Variants in BATF observed in about 807,000 individuals in gnomAD.
BATF encodes basic leucine zipper ATF-like transcription factor, also known as basic leucine zipper transcriptional factor ATF-like.
Under a neutral mutation model 13.7 loss-of-function variants are expected in BATF, and 5 were observed. That is an observed-to-expected ratio of 0.36 (90% confidence interval 0.19 to 0.77). BATF has a LOEUF of 0.77. Among genes scored for constraint, BATF ranks in the 30% least tolerant of loss-of-function variants. BATF has a pLI of 0.51. For synonymous variants in BATF, 72 were observed against 67.5 expected, an observed-to-expected ratio of 1.07 and a Z score of -0.33; for missense variants, 124 against 163.0, an observed-to-expected ratio of 0.76 and a Z score of 1.30.
intron 2 of BATF, among the ~76,000 whole-genome samples, chr14:75,528,474 C>A (rs192071916): frequency 6.6e-6 from 1 of 152,294 alleles, no homozygotes; most frequent in East Asian, 1.9e-4. Context: ...AGGGAGAGAG[C>A]CTCTTTTTAT....
At chr14:75,544,966 C>T (rs2140043837) in intron 2 of BATF, among the ~76,000 whole-genome samples, 1 of 152,192 alleles carries the variant, frequency 6.6e-6, no homozygotes, top group South Asian at 2.1e-4. Flanking sequence ...TCCATAATTG[C>T]TAATTACCAG....
intron 2 of BATF, among the ~76,000 whole-genome samples, chr14:75,539,763 ATTC>A (rs1228548599): frequency 1.3e-5 from 2 of 152,210 alleles, no homozygotes; most frequent in South Asian, 2.1e-4. Context: ...TGGTTTGGTG[ATTC>A]TTCTTCTCCT....
In BATF at chr14:75,522,724, C is replaced by G. The variant is rs751852497; in HGVS notation, c.42C>G (p.Arg14=). Residue 14 remains arginine (R), a synonymous_variant, in exon 1 of 3, where the codon CGC becomes CGG. Transcript: ENST00000286639. ...SSDSSDSSFS[R]SPPPGKQDSS... is the part of the protein sequence containing the mutation. ...ACAGCAGTGACTCCAGCTTCAGCCG[C>G]TCTCCTCCCCCTGGCAAACAGGTAG... 1.2e-6 allele frequency: 2 copies of G among 1,614,082 alleles called. No individual in the cohort carries two copies. The highest frequency in any genetic ancestry group is 2.2e-5 in the South Asian group (2 of 91,092).
At chr14:75,528,965 T>C (rs1887692827) in intron 2 of BATF, among the ~76,000 whole-genome samples, 1 of 152,226 alleles carries the variant, frequency 6.6e-6, no homozygotes, top group Non-Finnish European at 1.5e-5. Flanking sequence ...TCCTAAATGA[T>C]TTTTAAAAGA....
rs35791450 is a variant in BATF at position 75,545,388 on chromosome 14, ATTTTTT to A, written c.169-1058_169-1053del. 2.3e-3 allele frequency among the ~76,000 whole-genome samples: 237 copies of A among 105,196 alleles called. 1 individual carries two copies. Among genetic ancestry groups the A allele is most frequent in the Non-Finnish European group, 3.0e-3 (163 of 55,116 alleles). 69.0% of individuals were successfully genotyped at this position (105,196 alleles called of 152,430 possible). On this transcript the variant is annotated intron_variant, in intron 2 of 2. Transcript: ENST00000286639. Reference sequence around the variant, plus strand: ...AGGTGTGCACCACCACGCCTGGTTAATTTTTTTTTTTTTTTTTTTTTGTATTTTTAG... The same window carrying A: ...AGGTGTGCACCACCACGCCTGGTTAATTTTTTTTTTTTTTTGTATTTTTAG...
At chr14:75,532,100 A>T (rs967055404) in intron 2 of BATF, among the ~76,000 whole-genome samples, 4 of 152,328 alleles carry the variant, frequency 2.6e-5, no homozygotes, top group Middle Eastern at 3.4e-3. Context: ...TCTGCATAAA[A>T]GCTGTATTTT....
At chr14:75,535,175 A>C (rs1283083207) in intron 2 of BATF, among the ~76,000 whole-genome samples, 2 of 152,194 alleles carry the variant, frequency 1.3e-5, no homozygotes, top group Non-Finnish European at 2.9e-5. Context: ...ATCCCAATAC[A>C]TACGGAGGCC....
chr14:75,544,562 CAAAAAAAAA>C (rs67545560), intron 2 of BATF, among the ~76,000 whole-genome samples: 4 of 33,020 alleles, frequency 1.2e-4, no homozygotes, highest in African/African-American at 3.1e-4. Flanking sequence ...GAGACTGTCT[CAAAAAAAAA>C]AAAAAAAAAA....
intron 2 of BATF, among the ~76,000 whole-genome samples, chr14:75,530,449 T>G (rs1307982465): frequency 6.6e-6 from 1 of 152,180 alleles, no homozygotes. Flanking sequence ...ATTGCTGCAT[T>G]GTTTCTTATA....
chr14:75,528,192 T>C (rs1029829496), intron 2 of BATF, among the ~76,000 whole-genome samples: 8 of 152,230 alleles, frequency 5.3e-5, no homozygotes, highest in Admixed American at 2.0e-4. Context: ...AGGCCTCGCC[T>C]ACCAGTGCTT....
intron 1 of BATF, among the ~76,000 whole-genome samples, chr14:75,523,717 A>G (rs1221965789): frequency 1.3e-5 from 2 of 152,304 alleles, no homozygotes; most frequent in East Asian, 3.9e-4. Context: ...CTTAGCACAG[A>G]TATCCACAAG....
At chr14:75,537,459 C>G (rs939620946) in intron 2 of BATF, among the ~76,000 whole-genome samples, 1 of 152,156 alleles carries the variant, frequency 6.6e-6, no homozygotes, top group Admixed American at 6.5e-5. Flanking sequence ...AGTCAAGCAA[C>G]GTGATTTGAT....
intron 2 of BATF, among the ~76,000 whole-genome samples, chr14:75,526,203 C>T (rs1019709927): frequency 1.3e-5 from 2 of 152,144 alleles, no homozygotes; most frequent in Non-Finnish European, 2.9e-5. Context: ...GTACTGCTTC[C>T]TCCCCATTGC....
intron 2 of BATF, among the ~76,000 whole-genome samples, chr14:75,527,500 T>C (rs1887671116): frequency 6.6e-6 from 1 of 152,200 alleles, no homozygotes; most frequent in Non-Finnish European, 1.5e-5. Flanking sequence ...CCTGTCTCCC[T>C]GTAAATTCAA....
At chr14:75,543,145 G>C (rs989529102) in intron 2 of BATF, among the ~76,000 whole-genome samples, 1 of 152,218 alleles carries the variant, frequency 6.6e-6, no homozygotes, top group African/African-American at 2.4e-5. Flanking sequence ...CGTGTTGCTT[G>C]ATCTTACCTT....
intron 2 of BATF, among the ~76,000 whole-genome samples, chr14:75,529,880 C>A (rs1233088867): frequency 1.3e-5 from 2 of 151,838 alleles, no homozygotes; most frequent in Non-Finnish European, 2.9e-5. Context: ...CTGGCTAACA[C>A]AGTGAAACCC....
At chr14:75,543,068 G>A (rs1027300708) in intron 2 of BATF, among the ~76,000 whole-genome samples, 2 of 152,210 alleles carry the variant, frequency 1.3e-5, no homozygotes, top group Admixed American at 1.3e-4. Flanking sequence ...GCGAAGAAAA[G>A]GGCTAGAGGA....
intron 2 of BATF, among the ~76,000 whole-genome samples, chr14:75,531,441 C>T (rs754411360): frequency 2.6e-5 from 4 of 152,144 alleles, no homozygotes; most frequent in Admixed American, 6.5e-5. Flanking sequence ...AGTGTTAGCC[C>T]TGAGCCGAGC....
chr14:75,541,121 G>GT (rs1887889787), intron 2 of BATF, among the ~76,000 whole-genome samples: 1 of 152,146 alleles, frequency 6.6e-6, no homozygotes. Flanking sequence ...TGATAGTTAA[G>GT]TTAACCTAGG....
Sources: allele counts gnomAD v4.1 joint callset (sites outside exome capture counted in the v4.1 genomes callset), GRCh38; gene constraint gnomAD v4.1.1; transcripts MANE v1.5; gene names NCBI Gene and HGNC (gene_info 2026-07-23, HGNC 2026-07-21).